LSR: variants seen among roughly 807,000 people sequenced by gnomAD.
The protein encoded by LSR is lipolysis-stimulated lipoprotein receptor.
A neutral mutation model predicts 61.8 loss-of-function variants in LSR; 44 were observed. That is an observed-to-expected ratio of 0.71 (90% CI 0.56 to 0.91). The LOEUF (loss-of-function observed/expected upper bound fraction) is 0.91. LSR is among the 40% of genes least tolerant of loss of function. The pLI, the probability that LSR is intolerant of heterozygous loss-of-function variation, is 0.00. For synonymous variants in LSR, 397 were observed against 350.6 expected, an observed-to-expected ratio of 1.13 and a Z score of -1.48; for missense variants, 911 against 830.5, an observed-to-expected ratio of 1.10 and a Z score of -1.19.
At chr19:35,252,648 C>CAAAAAAA in intron 2 of LSR, among the ~76,000 whole-genome samples, 1 of 74,774 alleles carries the variant, frequency 1.3e-5, no homozygotes, top group Non-Finnish European at 2.6e-5. Context: ...GACTCTGTCT[C>CAAAAAAA]AAAAAAAAAA....
At chr19:35,254,679 G>A (rs752769288) in intron 2 of LSR, among the ~76,000 whole-genome samples, 13 of 152,138 alleles carry the variant, frequency 8.5e-5, no homozygotes, top group Non-Finnish European at 1.3e-4. Flanking sequence ...ATGTGGAGGA[G>A]GCCTGGCTGC....
chr19:35,250,780 T>C (rs2065783726), intron 2 of LSR, 121 bp downstream of exon 2: 4 of 688,950 alleles, frequency 5.8e-6, no homozygotes, highest in Non-Finnish European at 9.2e-6. Flanking sequence ...GAAAGGACCA[T>C]TGAAGGGAGC....
At position 35,259,068 on chromosome 19, in the gene LSR, A is replaced by T. The variant is rs1337273212; in HGVS notation, c.574+4A>T. On this transcript the variant is annotated splice_donor_region_variant and intron_variant, in intron 3 of 9. Transcript: ENST00000605618. Reference sequence around the variant, plus strand: ...TACGCAGAGCTCATCGTCCTTGGTGAGTGGGCCTGGGAAGGGGGAGGCATG... The same window carrying T: ...TACGCAGAGCTCATCGTCCTTGGTGTGTGGGCCTGGGAAGGGGGAGGCATG... 6.2e-7 allele frequency: 1 copy of T among 1,611,454 alleles called. No homozygotes were observed. The highest frequency in any genetic ancestry group is 8.5e-7 in the Non-Finnish European group (1 of 1,178,238).
In LSR at chr19:35,267,656, A is replaced by G; in HGVS notation, c.1692A>G (p.Glu564=). The part of the protein sequence containing the change: ...ERRRPHKEEE[E]EAYYPPAPPP... ...GGAGACCCCACAAGGAGGAGGAGGA[A>G]GAGGCCTACTACCCGCCCGCGCCGC... The change falls in exon 9 of 10, where the codon GAA becomes GAG. Residue 564 remains glutamate, a synonymous_variant. Transcript: ENST00000605618. 1.9e-6 allele frequency: 3 copies of G among 1,609,488 alleles called. No individual in the cohort carries two copies. The highest frequency in any genetic ancestry group is 2.5e-6 in the Non-Finnish European group (3 of 1,178,432).
intron 2 of LSR, chr19:35,253,784 C>G (rs1441262187): frequency 6.6e-6 from 1 of 152,336 alleles, no homozygotes; most frequent in African/African-American, 2.4e-5. Context: ...CCTGCCTGGA[C>G]CAGGCGTGAC....
At chr19:35,265,090 A>G (rs117170711) in intron 5 of LSR, among the ~76,000 whole-genome samples, 91 of 152,266 alleles carry the variant, frequency 6.0e-4, no homozygotes, top group Non-Finnish European at 1.1e-3. Context: ...TCCTCAAAGG[A>G]TCACTTCCCT....
chr19:35,254,489 G>C (rs1425913972), intron 2 of LSR, among the ~76,000 whole-genome samples: 1 of 152,154 alleles, frequency 6.6e-6, no homozygotes, highest in Non-Finnish European at 1.5e-5. Context: ...TCCCTGCTTT[G>C]TCCTTCCATG....
Position 35,267,429 on chromosome 19 carries a change from CAAGACGACTCG to C in LSR, c.1467_1477del (p.Asp490GlyfsTer46). ...CCGCAGCCGGGACGACCTCTATGAC[CAAGACGACTCG>C]AGGGACTTCCCACGCTCCCGGGACC... On this transcript the variant is annotated frameshift_variant, in exon 9 of 10. Transcript: ENST00000605618. LOFTEE classifies it high-confidence loss of function. 1 of 1,610,756 alleles carries C rather than the reference CAAGACGACTCG, an allele frequency of 6.2e-7. No homozygotes were observed. The highest frequency in any genetic ancestry group is 8.5e-7 in the Non-Finnish European group (1 of 1,179,354).
At chr19:35,261,300 T>G (rs988954695) in intron 3 of LSR, among the ~76,000 whole-genome samples, 1 of 152,126 alleles carries the variant, frequency 6.6e-6, no homozygotes, top group Non-Finnish European at 1.5e-5. Flanking sequence ...CCTTCCTGTT[T>G]TAAAAAAAAT....
chr19:35,255,641 T>G (rs914643253), intron 2 of LSR, among the ~76,000 whole-genome samples: 2 of 152,120 alleles, frequency 1.3e-5, no homozygotes, highest in African/African-American at 4.8e-5. Context: ...GCCTGATCAT[T>G]AGGGTAAGTC....
intron 2 of LSR, among the ~76,000 whole-genome samples, chr19:35,258,267 GA>G (rs770072315): frequency 6.6e-6 from 1 of 152,042 alleles, no homozygotes; most frequent in Non-Finnish European, 1.5e-5. Flanking sequence ...TCAACATGGC[GA>G]AACTCCATCT....
rs977545217 is a variant in LSR at position 35,249,030 on chromosome 19, T to C, written c.8T>C (p.Leu3Pro). 1.3e-5 allele frequency: 21 copies of C among 1,601,408 alleles called. No individual in the cohort carries two copies. The highest frequency in any genetic ancestry group is 4.0e-5 in the African/African-American group (3 of 74,570). ...CGCGCCCAGACGGCCGCGATGGCGC[T>C]GTTGGCCGGCGGGCTCTCCAGAGGG... The part of the protein sequence containing the change: MA[L>P]LAGGLSRGLG... Residue 3 changes from leucine (L) to proline (P), a missense_variant, in exon 1 of 10, where the codon CTG (leucine) becomes CCG (proline). Transcript: ENST00000605618.
intron 2 of LSR, among the ~76,000 whole-genome samples, chr19:35,251,955 C>A (rs2065798773): frequency 6.7e-6 from 1 of 148,594 alleles, no homozygotes; most frequent in Non-Finnish European, 1.5e-5. Flanking sequence ...CTGCCTCAGC[C>A]TCCCAAGTAG....
Position 35,261,934 on chromosome 19 carries a change from CAG to C in LSR, c.585_586del (p.Val197GlyfsTer2), listed in dbSNP as rs1568445549. 3 of 1,484,968 alleles carry C rather than the reference CAG, an allele frequency of 2.0e-6. No homozygotes were observed. Among genetic ancestry groups the C allele is most frequent in the African/African-American group, 1.5e-5 (1 of 67,588 alleles). The allele number at this position is 1,484,968 out of a possible 1,614,324, so 92.0% of individuals were successfully genotyped here. A position where few individuals can be genotyped will look rare whatever the true frequency, so the allele number is the denominator to read the frequency against. On this transcript the variant is annotated frameshift_variant, in exon 4 of 10. Transcript: ENST00000605618. LOFTEE classifies it high-confidence loss of function. ...TCTTTTGTCCCTCCAGGGAGGACCT[CAG>C]GGGTGGCTGAGCTCTTACCTGGTTT... is the stretch of plus-strand genomic sequence containing the variant.
At chr19:35,257,447 G>A (rs1324858469) in intron 2 of LSR, among the ~76,000 whole-genome samples, 2 of 152,188 alleles carry the variant, frequency 1.3e-5, no homozygotes, top group African/African-American at 2.4e-5. Context: ...TAGGGAAGGC[G>A]TCTGGAATGC....
rs1286783338 is a variant in LSR, at chr19:35,262,571, C to G, written c.657C>G (p.Cys219Trp). The change falls in exon 5 of 10, where the codon TGC becomes TGG. Residue 219 changes from cysteine (C) to tryptophan (W), a missense_variant. Transcript: ENST00000605618. Reference protein sequence around the residue: ...IEDWLFVVVVCLAAFLIFLLL... With the variant: ...IEDWLFVVVVWLAAFLIFLLL... ...ACTGGCTCTTCGTGGTTGTGGTATG[C>G]CTGGCTGCCTTCCTCATCTTCCTCC... The G allele has an allele frequency of 1.9e-6, 3 of 1,614,208 alleles. No individual in the cohort carries two copies. The highest frequency in any genetic ancestry group is 2.5e-6 in the Non-Finnish European group (3 of 1,180,030).
chr19:35,250,758 G>T, intron 2 of LSR, 99 bp downstream of exon 2: 1 of 866,898 alleles, frequency 1.2e-6, no homozygotes, highest in Non-Finnish European at 1.7e-6. Context: ...AAGCTCTTGA[G>T]TGCCAGTGTC....
intron 2 of LSR, among the ~76,000 whole-genome samples, chr19:35,258,306 T>G (rs1599597333): frequency 6.6e-6 from 1 of 151,904 alleles, no homozygotes; most frequent in East Asian, 1.9e-4. Context: ...ATTAGCCAGG[T>G]GTGGTGGCAG....
intron 6 of LSR, 60 bp downstream of exon 6, chr19:35,266,592 G>A (rs2066003059): frequency 1.2e-6 from 2 of 1,602,436 alleles, no homozygotes; most frequent in African/African-American, 2.7e-5. Context: ...GGACACTGAG[G>A]GGCAGGGGCT....
Sources: gnomAD v4.1 joint callset for allele counts (sites outside exome capture counted in the v4.1 genomes callset) on GRCh38, gnomAD v4.1.1 for gene constraint, MANE v1.5 for transcripts, NCBI Gene and HGNC (gene_info 2026-07-23, HGNC 2026-07-21) for gene names.